OXR1: variants seen among roughly 807,000 people sequenced by gnomAD.
OXR1 encodes oxidation resistance 1, also known as oxidation resistance protein 1.
A neutral mutation model predicts 104.6 loss-of-function variants in OXR1; 41 were observed. The ratio of observed to expected loss-of-function variants is 0.39; its 90% CI spans 0.31 to 0.51. The LOEUF (loss-of-function observed/expected upper bound fraction) is 0.51. OXR1 is among the 20% of genes least tolerant of loss of function. The pLI is 0.77. For missense variants in OXR1, 955 were observed against 1,031.9 expected, an observed-to-expected ratio of 0.93 and a Z score of 1.02; for synonymous variants, 348 against 348.4, an observed-to-expected ratio of 1.00 and a Z score of 0.01.
At chr8:106,529,043 A>T (rs1813897518) in intron 3 of OXR1, among the ~76,000 whole-genome samples, 1 of 152,180 alleles carries the variant, frequency 6.6e-6, no homozygotes, top group Non-Finnish European at 1.5e-5. Flanking sequence ...TCATTTGCTG[A>T]GGTTTCTTGT....
chr8:106,429,705 T>C (rs1819283238), intron 2 of OXR1, among the ~76,000 whole-genome samples: 1 of 151,540 alleles, frequency 6.6e-6, no homozygotes, highest in Non-Finnish European at 1.5e-5. Context: ...ATGTGTGATA[T>C]AGATATAAGA....
chr8:106,634,041 T>C (rs567194920), intron 3 of OXR1, among the ~76,000 whole-genome samples: 1 of 152,330 alleles, frequency 6.6e-6, no homozygotes, highest in East Asian at 1.9e-4. Context: ...CACCTTAGGA[T>C]GATTTTGAAC....
intron 2 of OXR1, among the ~76,000 whole-genome samples, chr8:106,361,759 C>A (rs1289633948): frequency 1.3e-5 from 2 of 152,124 alleles, no homozygotes; most frequent in African/African-American, 2.4e-5. Flanking sequence ...CCTCATCGGG[C>A]TCTCTGTTTT....
rs114588694 is a variant in OXR1, at chr8:106,324,474, A to G, written c.-138-35002A>G. The stretch of plus-strand genomic sequence containing the variant: ...CAACCCCCCCTACACGTGTTTACCT[A>G]TGTAATAAACCTTCACATGTACCCC... On this transcript the variant is annotated intron_variant, in intron 1 of 16. Transcript: ENST00000517566. Among the ~76,000 whole-genome samples the G allele has an allele frequency of 8.1e-3, 1,235 of 151,870 alleles. 22 individuals are homozygous for G. Among genetic ancestry groups the G allele is most frequent in the African/African-American group, 0.027 (1,127 of 41,310 alleles).
chr8:106,661,980 G>A (rs1825812070), intron 3 of OXR1, among the ~76,000 whole-genome samples: 1 of 152,182 alleles, frequency 6.6e-6, no homozygotes, highest in Admixed American at 6.5e-5. Context: ...AGGAATAGAA[G>A]CAGGGGTCCA....
chr8:106,657,837 GC>G lies in OXR1; in HGVS notation c.221-21368del, dbSNP rs1204568823. The G allele has an allele frequency of 9.7e-6, 12 of 1,236,390 alleles. No homozygotes were observed. In the African/African-American group the frequency reaches 1.7e-4, roughly 18 times the overall value. The allele number at this position is 1,236,390 out of a possible 1,614,324, so 76.6% of individuals were successfully genotyped here. On this transcript the variant is annotated intron_variant, in intron 3 of 16. Transcript: ENST00000517566. ...TCCGTCCCCGGGCAGAGAGAGGGACGCCCCCTCCTCCTCCCCGCCTCTTGTG... is the reference window on the plus strand; with the variant it reads ...TCCGTCCCCGGGCAGAGAGAGGGACGCCCCTCCTCCTCCCCGCCTCTTGTG...
At chr8:106,547,136 G>T (rs1390561118) in intron 3 of OXR1, among the ~76,000 whole-genome samples, 1 of 151,986 alleles carries the variant, frequency 6.6e-6, no homozygotes, top group Non-Finnish European at 1.5e-5. Flanking sequence ...TGATCCACCC[G>T]CCTCAGCCTC....
intron 2 of OXR1, among the ~76,000 whole-genome samples, chr8:106,487,021 CTTTT>C (rs11296936): frequency 7.7e-6 from 1 of 129,688 alleles, no homozygotes; most frequent in African/African-American, 3.0e-5. Flanking sequence ...AATCCAGACA[CTTTT>C]TTTTTTTTTT....
chr8:106,718,512 TG>T (rs1282287947), intron 11 of OXR1, among the ~76,000 whole-genome samples: 1 of 152,200 alleles, frequency 6.6e-6, no homozygotes, highest in Admixed American at 6.5e-5. Flanking sequence ...TTCCTCTTTT[TG>T]TAGTGTTACT....
intron 1 of OXR1, among the ~76,000 whole-genome samples, chr8:106,327,603 T>G (rs1441373238): frequency 6.6e-6 from 1 of 152,234 alleles, no homozygotes; most frequent in Non-Finnish European, 1.5e-5. Flanking sequence ...CCACATTGTT[T>G]TAAATGTTGC....
intron 1 of OXR1, among the ~76,000 whole-genome samples, chr8:106,286,086 A>G (rs982878283): frequency 1.4e-4 from 21 of 152,120 alleles, no homozygotes; most frequent in Non-Finnish European, 2.8e-4. Flanking sequence ...AAGTTGGTAA[A>G]ATGATGACCT....
At chr8:106,535,219 G>A (rs1016012620) in intron 3 of OXR1, among the ~76,000 whole-genome samples, 2 of 152,026 alleles carry the variant, frequency 1.3e-5, no homozygotes, top group African/African-American at 4.8e-5. Context: ...GTTCTTGGAC[G>A]AGAACTATGA....
At chr8:106,400,378 T>C (rs1817953490) in intron 2 of OXR1, among the ~76,000 whole-genome samples, 1 of 152,134 alleles carries the variant, frequency 6.6e-6, no homozygotes, top group Non-Finnish European at 1.5e-5. Flanking sequence ...ATCAACTCCA[T>C]TGGGTTTTGT....
At chr8:106,272,098 C>G (rs1232131531) in intron 1 of OXR1, 2 of 151,950 alleles carry the variant, frequency 1.3e-5, no homozygotes, top group Non-Finnish European at 2.9e-5. Context: ...GTAAATATAG[C>G]GAAAAAAGAA....
At chr8:106,360,672 A>C (rs557523045) in intron 2 of OXR1, among the ~76,000 whole-genome samples, 4 of 152,266 alleles carry the variant, frequency 2.6e-5, no homozygotes, top group Admixed American at 6.5e-5. Flanking sequence ...AAGTATAATC[A>C]AACAAATTTC....
intron 3 of OXR1, among the ~76,000 whole-genome samples, chr8:106,587,454 C>CTCACTCATAT (rs1242815848): frequency 6.6e-6 from 1 of 152,154 alleles, no homozygotes; most frequent in Non-Finnish European, 1.5e-5. Flanking sequence ...TCACTTGAAG[C>CTCACTCATAT]TCACACTCAT....
chr8:106,454,101 C>T (rs1820471106), intron 2 of OXR1, among the ~76,000 whole-genome samples: 1 of 152,180 alleles, frequency 6.6e-6, no homozygotes, highest in Non-Finnish European at 1.5e-5. Context: ...TACAACTTTA[C>T]ATTTTAAGTT....
chr8:106,716,271 A>G (rs556528320), intron 11 of OXR1, among the ~76,000 whole-genome samples: 3 of 152,302 alleles, frequency 2.0e-5, no homozygotes, highest in East Asian at 1.9e-4. Flanking sequence ...CACTAGCCAC[A>G]TGTAACCATT....
chr8:106,314,552 A>G (rs1813847164), intron 1 of OXR1, among the ~76,000 whole-genome samples: 1 of 152,224 alleles, frequency 6.6e-6, no homozygotes, highest in Non-Finnish European at 1.5e-5. Flanking sequence ...AACATTTAAA[A>G]TATTTATGGA....
Sources: allele counts gnomAD v4.1 joint callset (sites outside exome capture counted in the v4.1 genomes callset), GRCh38; gene constraint gnomAD v4.1.1; transcripts MANE v1.5; gene names NCBI Gene and HGNC (gene_info 2026-07-23, HGNC 2026-07-21).